SKI: variants seen among roughly 807,000 people sequenced by gnomAD.
SKI encodes the protein ski oncogene.
Under a neutral mutation model 59.3 loss-of-function variants are expected in SKI, and 23 were observed. That is an observed-to-expected ratio of 0.39 (90% CI 0.28 to 0.55). The LOEUF (loss-of-function observed/expected upper bound fraction) is 0.55. Among genes scored for constraint, SKI ranks in the 20% least tolerant of loss-of-function variants. The pLI is 0.67. For synonymous variants in SKI, 673 were observed against 488.6 expected (o/e 1.38, Z -4.98); for missense variants, 1,017 against 1,038.9 (o/e 0.98, Z 0.29).
chr1:2,263,563 G>A (rs940808335), intron 1 of SKI, among the ~76,000 whole-genome samples: 4 of 151,896 alleles, frequency 2.6e-5, no homozygotes, highest in African/African-American at 9.7e-5. Flanking sequence ...TATTCATGAG[G>A]GATGTTGGTG....
At chr1:2,306,485 G>C (rs1475025147) in intron 6 of SKI, 92 bp from the exon 7 acceptor site, 4 of 1,334,230 alleles carry the variant, frequency 3.0e-6, no homozygotes, top group Non-Finnish European at 4.1e-6. Flanking sequence ...GGGAGGGACA[G>C]GGAGCGGCGC....
intron 1 of SKI, among the ~76,000 whole-genome samples, chr1:2,280,533 C>T (rs1221748819): frequency 6.6e-6 from 1 of 152,154 alleles, no homozygotes; most frequent in Admixed American, 6.5e-5. Flanking sequence ...CTTCCCTTAC[C>T]CGCCACACAC....
chr1:2,303,851 A>G lies in SKI; in HGVS notation c.1223A>G (p.Tyr408Cys), dbSNP rs943614189. 6.2e-7 allele frequency: 1 copy of G among 1,612,418 alleles called. No individual in the cohort carries two copies. Among genetic ancestry groups the G allele is most frequent in the Non-Finnish European group, 8.5e-7 (1 of 1,179,772 alleles). ...PALIRDSFYS[Y>C]KSFETAVAPN... ...GCCTGCCCCTCCAGCTTCTACTCCT[A>G]CAAGAGCTTTGAGACAGCCGTGGCG... The change falls in exon 4 of 7, where the codon TAC becomes TGC. Residue 408 changes from tyrosine (Y) to cysteine (C), a missense_variant. Physicochemically the swap from Tyr to Cys is radical, Grantham distance 194. Coordinates refer to ENST00000378536, the MANE Select transcript of SKI (RefSeq NM_003036.4). This position sits in a 1 kb window ranked among gnomAD's most constrained non-coding sequence, Gnocchi z 5.6.
intron 1 of SKI, among the ~76,000 whole-genome samples, chr1:2,280,104 C>T (rs1446097414): frequency 6.6e-6 from 1 of 151,986 alleles, no homozygotes; most frequent in Non-Finnish European, 1.5e-5. Context: ...TGTGGTGGCT[C>T]ATGCCTGTAA....
Position 2,306,688 on chromosome 1 carries a change from G to T in SKI, c.2110G>T (p.Glu704Ter). The T allele has an allele frequency of 6.5e-7, 1 of 1,544,244 alleles. No homozygotes were observed. Among genetic ancestry groups the T allele is most frequent in the Non-Finnish European group, 8.7e-7 (1 of 1,145,056 alleles). The change falls in exon 7 of 7, where the codon GAG (glutamate) becomes TAG (stop). Residue 704 changes from glutamate to a stop codon, truncating the protein, a stop_gained. Transcript: ENST00000378536. LOFTEE classifies it high-confidence loss of function. ...AREHLEKVVKELQEQLWPRAR... is the reference protein window; with the variant it reads ...AREHLEKVVK ...GGAGCACCTGGAGAAGGTGGTGAAG[G>T]AGCTGCAGGAACAGCTGTGGCCGCG...
intron 1 of SKI, among the ~76,000 whole-genome samples, chr1:2,273,859 A>T (rs1433955380): frequency 2.0e-5 from 3 of 152,128 alleles, no homozygotes; most frequent in Admixed American, 6.5e-5. Context: ...GTGCAGGCAG[A>T]CGTGCTCTTG....
chr1:2,229,129 G>C lies in SKI; in HGVS notation c.363G>C (p.Leu121=), dbSNP rs1424206914. 1 of 1,611,330 alleles carries C rather than the reference G, an allele frequency of 6.2e-7. No homozygotes were observed. The highest frequency in any genetic ancestry group is 8.5e-7 in the Non-Finnish European group (1 of 1,179,892). Residue 121 remains leucine, a synonymous_variant, in exon 1 of 7, where the codon CTG becomes CTC. Coordinates refer to ENST00000378536, the MANE Select transcript of SKI (RefSeq NM_003036.4). The surrounding 1 kb of genome is among the most constrained non-coding windows in gnomAD (Gnocchi z 6.3). ...SCFVVGGEKR[L]CLPQILNSVL... ...TCGTGGTGGGAGGCGAGAAGCGCCT[G>C]TGTCTGCCGCAGATTCTCAACTCGG...
chr1:2,239,881 G>C (rs970232847), intron 1 of SKI, among the ~76,000 whole-genome samples: 23 of 152,224 alleles, frequency 1.5e-4, no homozygotes, highest in Non-Finnish European at 3.1e-4. Context: ...GTGTGCTTCT[G>C]CTCCCCACTG....
intron 1 of SKI, among the ~76,000 whole-genome samples, chr1:2,273,440 G>C (rs558139594): frequency 6.6e-6 from 1 of 152,210 alleles, no homozygotes; most frequent in Non-Finnish European, 1.5e-5. Flanking sequence ...GGACTTCTCA[G>C]CTTGGCATGG....
intron 1 of SKI, among the ~76,000 whole-genome samples, chr1:2,289,256 C>T (rs931249638): frequency 1.3e-5 from 2 of 152,188 alleles, no homozygotes; most frequent in Admixed American, 1.3e-4. Context: ...CCTCCTGCCT[C>T]CTCTCTGTCA....
intron 1 of SKI, among the ~76,000 whole-genome samples, chr1:2,259,964 G>T (rs1196242200): frequency 4.6e-5 from 7 of 152,202 alleles, no homozygotes; most frequent in African/African-American, 1.7e-4. Context: ...CAAAGAAAGC[G>T]GCTGTGAACA....
At chr1:2,299,734 A>C (rs369918398) in intron 1 of SKI, among the ~76,000 whole-genome samples, 1 of 152,168 alleles carries the variant, frequency 6.6e-6, no homozygotes, top group African/African-American at 2.4e-5. Context: ...GGGATGGGCC[A>C]GCGTTTCGCC....
chr1:2,275,501 T>C (rs1268718435), intron 1 of SKI, among the ~76,000 whole-genome samples: 1 of 152,066 alleles, frequency 6.6e-6, no homozygotes, highest in Non-Finnish European at 1.5e-5. Flanking sequence ...GAGAGTTTGC[T>C]TTTTCCAGAG....
At chr1:2,240,914 G>T (rs1638856752) in intron 1 of SKI, 2 of 564,676 alleles carry the variant, frequency 3.5e-6, no homozygotes, top group Non-Finnish European at 4.5e-6. Context: ...CTCCTCAGCT[G>T]TGTTCAGCCC....
At chr1:2,255,430 A>G (rs1432574565) in intron 1 of SKI, among the ~76,000 whole-genome samples, 2 of 151,994 alleles carry the variant, frequency 1.3e-5, no homozygotes, top group East Asian at 3.9e-4. Context: ...TCCTGACTTC[A>G]TTTCCTGTCT....
chr1:2,282,636 C>T (rs1310567196), intron 1 of SKI, among the ~76,000 whole-genome samples: 1 of 152,192 alleles, frequency 6.6e-6, no homozygotes, highest in Non-Finnish European at 1.5e-5. Flanking sequence ...GCCTTGCTTC[C>T]CCCAAGCCCG....
intron 1 of SKI, among the ~76,000 whole-genome samples, chr1:2,301,917 T>C (rs1430738273): frequency 6.6e-6 from 1 of 152,162 alleles, no homozygotes; most frequent in Non-Finnish European, 1.5e-5. Context: ...CTGGAGACTC[T>C]GTGCTGTCCT....
At chr1:2,232,718 C>G (rs1471169414) in intron 1 of SKI, 1 of 152,340 alleles carries the variant, frequency 6.6e-6, no homozygotes, top group Admixed American at 6.5e-5. Context: ...GACAGGGGAC[C>G]TTGTCTCACC....
At chr1:2,246,853 TGG>T (rs74971112) in intron 1 of SKI, among the ~76,000 whole-genome samples, 17,354 of 151,652 alleles carry the variant, frequency 0.11, 1,659 homozygotes, top group East Asian at 0.43. Context: ...AGGAACCTGA[TGG>T]GGGGGGCCTC....
Sources: gnomAD v4.1 joint callset for allele counts (sites outside exome capture counted in the v4.1 genomes callset) on GRCh38, gnomAD v4.1.1 for gene constraint, Gnocchi (gnomAD v3.1) non-coding constraint, MANE v1.5 for transcripts, NCBI Gene and HGNC (gene_info 2026-07-23, HGNC 2026-07-21) for gene names.